Variants in SLC7A1 observed in about 807,000 individuals in gnomAD.
SLC7A1 encodes the protein high affinity cationic amino acid transporter 1.
Under a neutral mutation model 53.9 loss-of-function variants are expected in SLC7A1, and 10 were observed. That is an observed-to-expected ratio of 0.19 (90% CI 0.11 to 0.31). The LOEUF (loss-of-function observed/expected upper bound fraction) is 0.31, where lower values mean the gene tolerates loss of function less well. SLC7A1 is among the 10% of genes least tolerant of loss of function. The pLI, the probability that SLC7A1 is intolerant of heterozygous loss-of-function variation, is 1.00. For synonymous variants in SLC7A1, 342 were observed against 338.7 expected (o/e 1.01, Z -0.11); for missense variants, 525 against 827.2 (o/e 0.63, Z 4.48).
rs1282286309 is a variant in SLC7A1, at chr13:29,557,609, AACGAAGCCTGCAGG to A, written c.-114-3763_-114-3750del. 3.3e-5 allele frequency among the ~76,000 whole-genome samples: 5 copies of A among 150,152 alleles called. No individual in the cohort carries two copies. The East Asian group carries it at 7.9e-4, about 24-fold the overall frequency. On this transcript the variant is annotated intron_variant, in intron 1 of 12. Coordinates refer to ENST00000380752, the MANE Select transcript of SLC7A1 (RefSeq NM_003045.5). ...AAATTGGTACCATGAACTTACCATG[AACGAAGCCTGCAGG>A]ACTGCAAGTTGCCCTGAGTGTCAAT...
At chr13:29,535,723 A>G in intron 3 of SLC7A1, 96 bp downstream of exon 3, 1 of 1,272,610 alleles carries the variant, frequency 7.9e-7, no homozygotes, top group African/African-American at 1.5e-5. Flanking sequence ...CGTGTTAACA[A>G]GAATGACCTC....
chr13:29,552,464 C>T (rs1329766713), intron 2 of SLC7A1, among the ~76,000 whole-genome samples: 4 of 152,112 alleles, frequency 2.6e-5, no homozygotes, highest in African/African-American at 7.2e-5. Context: ...AAAAACTGGC[C>T]CCAAAACTGG....
At chr13:29,556,505 A>T (rs113167370) in intron 1 of SLC7A1, among the ~76,000 whole-genome samples, 1,698 of 152,174 alleles carry the variant, frequency 0.011, 14 homozygotes, top group South Asian at 0.027. Context: ...CAGCCCCCCA[A>T]GTAGCTGGGA....
rs775427413 is a variant in SLC7A1, at chr13:29,514,607, G to T, written c.1787-24C>A. 1.3e-5 allele frequency: 20 copies of T among 1,563,816 alleles called. No individual in the cohort carries two copies. The East Asian group carries it at 3.9e-4, about 30-fold the overall frequency. On this transcript the variant is annotated intron_variant, in intron 12 of 12. Transcript: ENST00000380752. Reference sequence around the variant, plus strand: ...GCCTGCGGGCCGACAGCAGAGACGGGCGTGAACAGACCGCCGGTTGCACCA... The same window carrying T: ...GCCTGCGGGCCGACAGCAGAGACGGTCGTGAACAGACCGCCGGTTGCACCA...
intron 1 of SLC7A1, among the ~76,000 whole-genome samples, chr13:29,581,356 C>T (rs280935): frequency 0.99 from 150,310 of 152,262 alleles, 74,220 homozygotes; most frequent in Middle Eastern, 1. Context: ...CTCTCTTCTT[C>T]CTTACTTTCA....
chr13:29,588,432 CAT>C (rs1871977175), intron 1 of SLC7A1, among the ~76,000 whole-genome samples: 3 of 151,852 alleles, frequency 2.0e-5, no homozygotes, highest in Admixed American at 2.0e-4. Context: ...GGAGGCAAAA[CAT>C]AACCCACCTG....
chr13:29,570,029 C>G lies in SLC7A1; in HGVS notation c.-114-16169G>C, dbSNP rs1593575763. 2.6e-5 allele frequency among the ~76,000 whole-genome samples: 4 copies of G among 152,294 alleles called. No individual in the cohort carries two copies. The Middle Eastern group carries it at 0.014, about 518-fold the overall frequency. On this transcript the variant is annotated intron_variant, in intron 1 of 12. Coordinates refer to ENST00000380752, the MANE Select transcript of SLC7A1 (RefSeq NM_003045.5). ...GAAACAAAAGTTTTCTAACATCATA[C>G]AGAACTCCCTGAATGCCACATTCAC...
At position 29,567,994 on chromosome 13, in the gene SLC7A1, G is replaced by A. The variant is rs1034651394; in HGVS notation, c.-114-14134C>T. ...GGACAGCTCTTCACAGAGGGGCAGG[G>A]TGGGCAGGCACCCCACATGCCTGGC... On this transcript the variant is annotated intron_variant, in intron 1 of 12. Transcript: ENST00000380752. Among the ~76,000 whole-genome samples the A allele has an allele frequency of 3.9e-5, 6 of 152,238 alleles. No homozygotes were observed. In the East Asian group the frequency reaches 1.2e-3, roughly 29 times the overall value.
chr13:29,544,274 G>C lies in SLC7A1; in HGVS notation c.-14-8072C>G, dbSNP rs540110662. 6.1e-4 allele frequency among the ~76,000 whole-genome samples: 93 copies of C among 152,306 alleles called. 1 individual carries two copies. The highest frequency in any genetic ancestry group is 1.8e-3 in the Admixed American group (27 of 15,304). ...AACATAATATAATACCAATGAGTAC[G>C]TATGTGGGTGTAAAATCCTAAAATA... On this transcript the variant is annotated intron_variant, in intron 2 of 12. Coordinates refer to ENST00000380752, the MANE Select transcript of SLC7A1 (RefSeq NM_003045.5).
At chr13:29,516,913 G>T (rs948156090) in intron 11 of SLC7A1, 3 of 445,484 alleles carry the variant, frequency 6.7e-6, no homozygotes, top group Non-Finnish European at 1.2e-5. Context: ...GAAGGTGTCA[G>T]CCTGCCCTTG....
intron 5 of SLC7A1, among the ~76,000 whole-genome samples, chr13:29,525,760 G>A (rs899396137): frequency 4.2e-4 from 64 of 152,306 alleles, no homozygotes; most frequent in Middle Eastern, 6.8e-3. Context: ...ATGGACGCAG[G>A]AAAAACTGTG....
Position 29,524,213 on chromosome 13 carries a change from G to T in SLC7A1, c.745C>A (p.Pro249Thr). The change falls in exon 6 of 13, where the codon CCC (proline) becomes ACC (threonine). Residue 249 changes from proline to threonine, a missense_variant. This residue lies in a region of SLC7A1 where 354 missense variants were observed against 587.5 expected (regional missense o/e 0.60). Coordinates refer to ENST00000380752, the MANE Select transcript of SLC7A1 (RefSeq NM_003045.5). Reference protein sequence around the residue: ...EGKPGVGGFMPFGFSGVLSGA... With the variant: ...EGKPGVGGFMTFGFSGVLSGA... ...GACAGGACACCAGAGAACCCGAAGG[G>T]CATGAATCCACCAACACCGGGCTTC... The T allele has an allele frequency of 1.2e-6, 2 of 1,614,140 alleles. No homozygotes were observed. The highest frequency in any genetic ancestry group is 1.7e-6 in the Non-Finnish European group (2 of 1,179,990).
chr13:29,582,438 C>T (rs776032749), intron 1 of SLC7A1, among the ~76,000 whole-genome samples: 10 of 152,224 alleles, frequency 6.6e-5, no homozygotes, highest in Admixed American at 6.5e-4. Context: ...TAAACGGACT[C>T]TGGGACAGCA....
At chr13:29,576,293 T>TTTAAAAAAAAAAA (rs552407983) in intron 1 of SLC7A1, among the ~76,000 whole-genome samples, 19 of 124,952 alleles carry the variant, frequency 1.5e-4, no homozygotes, top group African/African-American at 7.0e-4. Flanking sequence ...TCCTGTTTTT[T>TTTAAAAAAAAAAA]AAAAAAAAAA....
chr13:29,524,106 G>C, intron 6 of SLC7A1, 26 bp downstream of exon 6: 2 of 1,611,860 alleles, frequency 1.2e-6, no homozygotes, highest in South Asian at 2.2e-5. Flanking sequence ...AGGAGGACCC[G>C]GGACCGCAGT....
chr13:29,572,749 G>GC (rs1871253237), intron 1 of SLC7A1, among the ~76,000 whole-genome samples: 1 of 152,190 alleles, frequency 6.6e-6, no homozygotes, highest in East Asian at 1.9e-4. Context: ...ATGGGCACGA[G>GC]CACTACAGTT....
At chr13:29,565,312 A>T (rs972805902) in intron 1 of SLC7A1, among the ~76,000 whole-genome samples, 1 of 152,176 alleles carries the variant, frequency 6.6e-6, no homozygotes, top group African/African-American at 2.4e-5. Context: ...TACAAATACA[A>T]TACAGCAGGG....
chr13:29,548,111 G>A (rs552194932), intron 2 of SLC7A1, among the ~76,000 whole-genome samples: 4 of 152,270 alleles, frequency 2.6e-5, no homozygotes, highest in East Asian at 1.9e-4. Flanking sequence ...TAACTCTCCC[G>A]GTGGTGTCCT....
chr13:29,517,747 T>C lies in SLC7A1; in HGVS notation c.1336A>G (p.Thr446Ala). Residue 446 changes from threonine to alanine, a missense_variant, in exon 10 of 13, where the codon ACT (threonine) becomes GCT (alanine). Thr to Ala is a moderately conservative substitution (Grantham distance 58). Transcript: ENST00000380752. ...TCTGCTGGATCTAACTCGTCGGAAG[T>C]ACTGGCCATCTGGTATACCAGGTTA... ...QPNLVYQMAS[T>A]SDELDPADQN... 3.7e-6 allele frequency: 6 copies of C among 1,614,200 alleles called. No homozygotes were observed. Among genetic ancestry groups the C allele is most frequent in the Non-Finnish European group, 4.2e-6 (5 of 1,180,034 alleles).
Sources: allele counts gnomAD v4.1 joint callset (sites outside exome capture counted in the v4.1 genomes callset), GRCh38; gene constraint gnomAD v4.1.1; regional missense constraint gnomAD v4.1.1; transcripts MANE v1.5; gene names NCBI Gene and HGNC (gene_info 2026-07-23, HGNC 2026-07-21).